The following LIMCH1 variants were observed in gnomAD, a reference collection of about 807,000 sequenced individuals.
The protein encoded by LIMCH1 is LIM and calponin homology domains 1.
In LIMCH1, 113 loss-of-function variants were observed where a neutral mutation model predicts 176.5. That is an observed-to-expected ratio of 0.64 (90% CI 0.55 to 0.75). The LOEUF is 0.75. Ranked by LOEUF, LIMCH1 falls within the 30% of genes least tolerant of loss-of-function variation. The probability of loss-of-function intolerance (pLI) is 0.00; values close to 1 mark genes in which losing one functional copy is unlikely to be tolerated. For synonymous variants in LIMCH1, 619 were observed against 645.9 expected, an observed-to-expected ratio of 0.96 and a Z score of 0.63; for missense variants, 1,674 against 1,814.9, an observed-to-expected ratio of 0.92 and a Z score of 1.41.
At chr4:41,474,100 C>T (rs547020366) in intron 1 of LIMCH1, among the ~76,000 whole-genome samples, 21 of 152,104 alleles carry the variant, frequency 1.4e-4, no homozygotes, top group Non-Finnish European at 2.6e-4. Flanking sequence ...ATTGCTTGAA[C>T]GCATGAAGGG....
intron 2 of LIMCH1, among the ~76,000 whole-genome samples, chr4:41,505,954 A>ACACACACACACACACG (rs1413215697): frequency 1.3e-5 from 2 of 151,672 alleles, no homozygotes; most frequent in African/African-American, 4.8e-5. Flanking sequence ...ACACACACAC[A>ACACACACACACACACG]CACACACACA....
chr4:41,573,960 G>T (rs551615792), intron 1 of LIMCH1, among the ~76,000 whole-genome samples: 1 of 152,068 alleles, frequency 6.6e-6, no homozygotes, highest in African/African-American at 2.4e-5. Context: ...ATAAGCTCCC[G>T]TCTATAATAC....
chr4:41,419,377 T>G (rs2060244133), intron 1 of LIMCH1, among the ~76,000 whole-genome samples: 1 of 151,898 alleles, frequency 6.6e-6, no homozygotes, highest in African/African-American at 2.4e-5. Context: ...GGGGTTTCAC[T>G]GTGTTGGCCA....
At chr4:41,427,911 C>T (rs2061256880) in intron 1 of LIMCH1, among the ~76,000 whole-genome samples, 1 of 150,722 alleles carries the variant, frequency 6.6e-6, no homozygotes, top group Admixed American at 6.6e-5. Flanking sequence ...ATTTCCTCAC[C>T]TTGTTTACCT....
At position 41,697,322 on chromosome 4, in the gene LIMCH1, C is replaced by A; in HGVS notation, c.*137C>A. On this transcript the variant is annotated 3_prime_UTR_variant, in exon 32 of 32. Coordinates refer to ENST00000503057, the MANE Select transcript of LIMCH1 (RefSeq NM_001330672.2). ...GAAAGGCTCTTCTGAAAGGTGGTAT[C>A]TGTTCTTTCGTAGCACAGTGTTTAT... The A allele has an allele frequency of 2.8e-6, 2 of 716,978 alleles. No homozygotes were observed. Among genetic ancestry groups the A allele is most frequent in the Admixed American group, 2.5e-5 (1 of 40,740 alleles). 44.4% of individuals were successfully genotyped at this position (716,978 alleles called of 1,614,324 possible).
chr4:41,678,421 G>C (rs995834233), intron 23 of LIMCH1, among the ~76,000 whole-genome samples: 2 of 152,006 alleles, frequency 1.3e-5, no homozygotes, highest in African/African-American at 4.8e-5. Context: ...TCAAAATCTG[G>C]GGGCTACTGG....
intron 1 of LIMCH1, among the ~76,000 whole-genome samples, chr4:41,371,028 G>A (rs1356181651): frequency 6.6e-6 from 1 of 152,160 alleles, no homozygotes; most frequent in Non-Finnish European, 1.5e-5. Context: ...GTGTCCCGCT[G>A]CCTTATCCTT....
chr4:41,587,571 G>C (rs2086703541), intron 1 of LIMCH1, among the ~76,000 whole-genome samples: 2 of 152,170 alleles, frequency 1.3e-5, no homozygotes, highest in African/African-American at 4.8e-5. Context: ...CAGGGCCCCA[G>C]TACCTGAGGC....
At chr4:41,534,078 TAACTG>T (rs1189115605), upstream of LIMCH1, among the ~76,000 whole-genome samples, 7 of 152,140 alleles carry the variant, frequency 4.6e-5, no homozygotes, top group African/African-American at 1.7e-4. Flanking sequence ...GTGTTCCAGA[TAACTG>T]AGGTGGCCGT....
chr4:41,371,759 GTTC>G (rs1561156365), intron 1 of LIMCH1, among the ~76,000 whole-genome samples: 1 of 152,186 alleles, frequency 6.6e-6, no homozygotes, highest in African/African-American at 2.4e-5. Context: ...CCACATGATA[GTTC>G]TTCTTTTGGC....
intron 1 of LIMCH1, among the ~76,000 whole-genome samples, chr4:41,400,006 ATT>A (rs756644848): frequency 3.8e-5 from 5 of 131,298 alleles, no homozygotes; most frequent in Non-Finnish European, 3.3e-5. Context: ...TTTCATTTCC[ATT>A]TTTTTTTTTT....
chr4:41,453,918 G>C (rs182084667), intron 1 of LIMCH1, among the ~76,000 whole-genome samples: 3 of 151,968 alleles, frequency 2.0e-5, no homozygotes, highest in Non-Finnish European at 4.4e-5. Flanking sequence ...GCTTCTGTTC[G>C]TTTTCCATCT....
At chr4:41,644,450 C>T in intron 14 of LIMCH1, 50 bp from the exon 15 acceptor site, 1 of 1,436,690 alleles carries the variant, frequency 7.0e-7, no homozygotes, top group Non-Finnish European at 9.2e-7. Flanking sequence ...CGCGGAGACG[C>T]GACGGGCGCT....
intron 28 of LIMCH1, among the ~76,000 whole-genome samples, chr4:41,687,534 T>G (rs896498818): frequency 3.3e-5 from 5 of 152,184 alleles, no homozygotes; most frequent in Non-Finnish European, 5.9e-5. Context: ...ACCTGGCAAT[T>G]TTAGCGAATG....
At position 41,687,845 on chromosome 4, in the gene LIMCH1, G is replaced by A. The variant is rs564926492; in HGVS notation, c.4094G>A (p.Ser1365Asn). ...IESPSERRKK[S>N]PREHFQAGPF... ...ACTCCTTTACCACATTACAGGAAAA[G>A]TCCCCGAGAGCACTTCCAGGCTGGG... Residue 1365 changes from serine (S) to asparagine (N), a missense_variant, in exon 29 of 32, where the codon AGT becomes AAT. Transcript: ENST00000503057. 26 of 1,612,590 alleles carry A rather than the reference G, an allele frequency of 1.6e-5. No individual in the cohort carries two copies. The South Asian group carries it at 2.4e-4, about 15-fold the overall frequency.
At chr4:41,415,472 A>G (rs1401902439) in intron 1 of LIMCH1, among the ~76,000 whole-genome samples, 1 of 152,132 alleles carries the variant, frequency 6.6e-6, no homozygotes, top group Non-Finnish European at 1.5e-5. Flanking sequence ...GCTGGAACAA[A>G]TAATCTAAAT....
At chr4:41,550,823 T>TG (rs2080294712) in intron 1 of LIMCH1, among the ~76,000 whole-genome samples, 1 of 152,092 alleles carries the variant, frequency 6.6e-6, no homozygotes, top group South Asian at 2.1e-4. Context: ...AAGTTATAGT[T>TG]GGGGGAAAAA....
At chr4:41,566,465 GT>G (rs1340719212) in intron 1 of LIMCH1, among the ~76,000 whole-genome samples, 1 of 152,180 alleles carries the variant, frequency 6.6e-6, no homozygotes, top group Non-Finnish European at 1.5e-5. Flanking sequence ...GGCTTTGAAT[GT>G]GGGGAAGAGA....
intron 1 of LIMCH1, among the ~76,000 whole-genome samples, chr4:41,589,276 G>A (rs2087046001): frequency 6.6e-6 from 1 of 152,194 alleles, no homozygotes; most frequent in South Asian, 2.1e-4. Context: ...GTGATATCTA[G>A]GTTAAAAGAG....
Sources: allele counts gnomAD v4.1 joint callset (sites outside exome capture counted in the v4.1 genomes callset), GRCh38; gene constraint gnomAD v4.1.1; transcripts MANE v1.5; gene names NCBI Gene and HGNC (gene_info 2026-07-23, HGNC 2026-07-21).